Variants in UTRN observed in about 807,000 individuals in gnomAD.
The protein encoded by UTRN is dystrophin-related protein 1.
Under a neutral mutation model 463.9 loss-of-function variants are expected in UTRN, and 283 were observed. The observed-to-expected ratio is 0.61, with a 90% CI of 0.55 to 0.67. The LOEUF (loss-of-function observed/expected upper bound fraction) is 0.67, where lower values mean the gene tolerates loss of function less well. UTRN is among the 30% of genes least tolerant of loss of function. The pLI is 0.00. For synonymous variants in UTRN, 1,442 were observed against 1,431.5 expected (o/e 1.01, Z -0.17); for missense variants, 3,922 against 4,084.3 (o/e 0.96, Z 1.08).
intron 2 of UTRN, among the ~76,000 whole-genome samples, chr6:144,364,580 G>T (rs1178628816): frequency 1.3e-5 from 2 of 152,214 alleles, no homozygotes; most frequent in Non-Finnish European, 2.9e-5. Flanking sequence ...ATGACTGACT[G>T]AGAAGCGTTG....
At chr6:144,825,119 T>C (rs1001701712) in intron 66 of UTRN, among the ~76,000 whole-genome samples, 3 of 152,050 alleles carry the variant, frequency 2.0e-5, no homozygotes, top group African/African-American at 7.2e-5. Context: ...GTGATCCTCT[T>C]GCCTCAGCTT....
chr6:144,758,263 G>C (rs902613146), intron 58 of UTRN: 2 of 229,144 alleles, frequency 8.7e-6, no homozygotes, highest in African/African-American at 4.5e-5. Flanking sequence ...TGGCCATACT[G>C]TATTCCAGCC....
Position 144,304,060 on chromosome 6 carries a change from A to T in UTRN, c.79+12153A>T, listed in dbSNP as rs558357891. On this transcript the variant is annotated intron_variant, in intron 2 of 74. Transcript: ENST00000367545. The stretch of plus-strand genomic sequence containing the variant: ...GGATGCTCAGAAATTATAATAATTC[A>T]GGTAACAAATGCTTTCCTTAATGTG... 2.6e-5 allele frequency among the ~76,000 whole-genome samples: 4 copies of T among 152,348 alleles called. No homozygotes were observed. The South Asian group carries it at 8.3e-4, about 32-fold the overall frequency.
intron 25 of UTRN, among the ~76,000 whole-genome samples, chr6:144,476,954 A>G (rs1791274199): frequency 6.6e-6 from 1 of 152,180 alleles, no homozygotes; most frequent in Admixed American, 6.5e-5. Context: ...ATTTTTAATA[A>G]TGAGAGATAT....
intron 44 of UTRN, 42 bp downstream of exon 44, chr6:144,537,759 A>G: frequency 6.3e-7 from 1 of 1,594,414 alleles, no homozygotes. Flanking sequence ...TGGTGCCCGA[A>G]CATTATACTT....
At chr6:144,435,344 A>G (rs538630876) in intron 9 of UTRN, among the ~76,000 whole-genome samples, 26 of 152,328 alleles carry the variant, frequency 1.7e-4, no homozygotes, top group African/African-American at 6.0e-4. Context: ...ATAGAAATTT[A>G]TTCCATGAGC....
At chr6:144,414,714 CT>C (rs58980911) in intron 3 of UTRN, among the ~76,000 whole-genome samples, 5,200 of 142,252 alleles carry the variant, frequency 0.037, 264 homozygotes, top group African/African-American at 0.12. Flanking sequence ...TGTACTATAT[CT>C]TTTTTTTTTT....
At chr6:144,423,420 C>T in intron 4 of UTRN, 129 bp from the exon 5 acceptor site, 1 of 855,956 alleles carries the variant, frequency 1.2e-6, no homozygotes, top group East Asian at 2.6e-5. Flanking sequence ...CCTGAGACCT[C>T]AGCCAGATCT....
At chr6:144,717,221 G>A (rs987816495) in intron 53 of UTRN, among the ~76,000 whole-genome samples, 1 of 152,296 alleles carries the variant, frequency 6.6e-6, no homozygotes, top group South Asian at 2.1e-4. Context: ...CTTCATAGAT[G>A]TATAGAAATT....
intron 32 of UTRN, 29 bp downstream of exon 32, chr6:144,491,131 A>G: frequency 1.9e-6 from 3 of 1,569,498 alleles, no homozygotes; most frequent in Non-Finnish European, 2.6e-6. Flanking sequence ...TGGCACATCC[A>G]GTGGCTTTTT....
intron 2 of UTRN, among the ~76,000 whole-genome samples, chr6:144,389,112 A>C (rs1781676836): frequency 1.3e-5 from 2 of 152,226 alleles, no homozygotes; most frequent in African/African-American, 4.8e-5. Flanking sequence ...ATGAGACATC[A>C]ATCAACATAT....
At chr6:144,320,208 T>C (rs1425651222) in intron 2 of UTRN, among the ~76,000 whole-genome samples, 1 of 152,246 alleles carries the variant, frequency 6.6e-6, no homozygotes, top group Non-Finnish European at 1.5e-5. Flanking sequence ...ATAATTATTC[T>C]ATTGTGTCTT....
At chr6:144,531,985 A>G (rs1382050509) in intron 42 of UTRN, among the ~76,000 whole-genome samples, 1 of 152,004 alleles carries the variant, frequency 6.6e-6, no homozygotes, top group African/African-American at 2.4e-5. Flanking sequence ...AAAATACAAA[A>G]AATTAGCCGG....
chr6:144,594,437 T>G (rs1407758751), intron 51 of UTRN, among the ~76,000 whole-genome samples: 4 of 152,228 alleles, frequency 2.6e-5, no homozygotes, highest in African/African-American at 7.2e-5. Context: ...TTTTTGACCT[T>G]CTGAATTGTA....
intron 61 of UTRN, among the ~76,000 whole-genome samples, chr6:144,782,640 T>TA (rs1775945604): frequency 1.2e-5 from 1 of 80,604 alleles, no homozygotes; most frequent in Admixed American, 9.9e-5. Flanking sequence ...ATATATATAA[T>TA]ATATATATAT....
intron 51 of UTRN, among the ~76,000 whole-genome samples, chr6:144,611,249 T>A (rs73005509): frequency 0.15 from 23,495 of 152,206 alleles, 2,017 homozygotes; most frequent in South Asian, 0.27. Flanking sequence ...GACAAACATT[T>A]AGCTAACATC....
At chr6:144,759,272 G>A (rs944739314) in intron 58 of UTRN, among the ~76,000 whole-genome samples, 4 of 152,000 alleles carry the variant, frequency 2.6e-5, no homozygotes, top group East Asian at 1.9e-4. Context: ...GAGGTCAGAC[G>A]CTGGTTAAGT....
chr6:144,437,888 T>C, intron 11 of UTRN, 142 bp downstream of exon 11: 1 of 780,128 alleles, frequency 1.3e-6, no homozygotes, highest in Non-Finnish European at 1.9e-6. Context: ...ACGGGTAATA[T>C]TGCTGGAATT....
chr6:144,569,014 AT>A (rs1172528267), intron 50 of UTRN, among the ~76,000 whole-genome samples: 1 of 152,096 alleles, frequency 6.6e-6, no homozygotes, highest in African/African-American at 2.4e-5. Flanking sequence ...AATTTCAGTG[AT>A]TTTATTGACT....
Sources: gnomAD v4.1 joint callset for allele counts (sites outside exome capture counted in the v4.1 genomes callset) on GRCh38, gnomAD v4.1.1 for gene constraint, MANE v1.5 for transcripts, NCBI Gene and HGNC (gene_info 2026-07-23, HGNC 2026-07-21) for gene names.